CPNE4: variants seen among roughly 807,000 people sequenced by gnomAD.
The protein encoded by CPNE4 is copine-4.
Under a neutral mutation model 67.9 loss-of-function variants are expected in CPNE4, and 25 were observed. That is an observed-to-expected ratio of 0.37 (90% CI 0.27 to 0.51). The LOEUF is 0.51. CPNE4 is among the 20% of genes least tolerant of loss of function. The probability of loss-of-function intolerance (pLI) is 0.93; values close to 1 mark genes in which losing one functional copy is unlikely to be tolerated. For synonymous variants in CPNE4, 242 were observed against 244.9 expected, an observed-to-expected ratio of 0.99 and a Z score of 0.11; for missense variants, 464 against 690.8, an observed-to-expected ratio of 0.67 and a Z score of 3.68.
At chr3:131,564,812 G>T (rs1936971251) in intron 10 of CPNE4, among the ~76,000 whole-genome samples, 1 of 152,002 alleles carries the variant, frequency 6.6e-6, no homozygotes, top group Admixed American at 6.6e-5. Flanking sequence ...CCATTGTCAT[G>T]TTTCCATGAG....
chr3:131,832,988 G>A (rs1437343277), intron 2 of CPNE4, among the ~76,000 whole-genome samples: 2 of 152,094 alleles, frequency 1.3e-5, no homozygotes, highest in African/African-American at 2.4e-5. Context: ...TGAGGCCATT[G>A]GTAGGTGATT....
intron 9 of CPNE4, among the ~76,000 whole-genome samples, chr3:131,576,890 T>C: frequency 6.6e-6 from 1 of 151,920 alleles, no homozygotes; most frequent in East Asian, 1.9e-4. Context: ...TGGGAGAACA[T>C]TGGCTTGGTG....
At chr3:131,743,981 A>AAAAAAAAAAAAT in intron 2 of CPNE4, among the ~76,000 whole-genome samples, 1 of 148,962 alleles carries the variant, frequency 6.7e-6, no homozygotes, top group Non-Finnish European at 1.5e-5. Flanking sequence ...AAAAAAAAAA[A>AAAAAAAAAAAAT]AAACAATAAA....
chr3:131,823,998 A>G (rs536507952), intron 2 of CPNE4, among the ~76,000 whole-genome samples: 2 of 152,342 alleles, frequency 1.3e-5, no homozygotes, highest in Admixed American at 1.3e-4. Context: ...TTGTTTCTTG[A>G]TTCAGAGGGC....
intron 7 of CPNE4, among the ~76,000 whole-genome samples, chr3:131,592,930 C>T (rs973457312): frequency 5.9e-5 from 9 of 152,250 alleles, no homozygotes; most frequent in Admixed American, 2.6e-4. Context: ...TCTGAGGGAT[C>T]GGGTTACTCC....
intron 2 of CPNE4, among the ~76,000 whole-genome samples, chr3:131,766,922 G>T (rs2083032372): frequency 6.6e-6 from 1 of 152,094 alleles, no homozygotes; most frequent in Non-Finnish European, 1.5e-5. Flanking sequence ...AAGCAATGCT[G>T]CTGTAAACTC....
chr3:131,599,573 G>C (rs1939088965), intron 7 of CPNE4, among the ~76,000 whole-genome samples: 5 of 152,184 alleles, frequency 3.3e-5, no homozygotes. Flanking sequence ...AAATGAAGGA[G>C]AGAATTTCTT....
At chr3:131,743,788 C>G (rs13075122) in intron 2 of CPNE4, among the ~76,000 whole-genome samples, 43,904 of 150,708 alleles carry the variant, frequency 0.29, 6,466 homozygotes, top group Middle Eastern at 0.32. Context: ...ACGGTGAAAC[C>G]CCGTCTCTAC....
intron 2 of CPNE4, among the ~76,000 whole-genome samples, chr3:131,839,826 T>C (rs1025750539): frequency 6.6e-6 from 1 of 152,138 alleles, no homozygotes; most frequent in South Asian, 2.1e-4. Flanking sequence ...CCCAGGCAGA[T>C]TGTTAAAATA....
chr3:131,841,012 G>A (rs970504085), intron 2 of CPNE4, among the ~76,000 whole-genome samples: 1 of 152,180 alleles, frequency 6.6e-6, no homozygotes, highest in Non-Finnish European at 1.5e-5. Context: ...TCTTAAGGGA[G>A]AGAAATGTTG....
chr3:132,034,195 CCCTT>C (rs1306920595), intron 1 of CPNE4, among the ~76,000 whole-genome samples: 1 of 152,062 alleles, frequency 6.6e-6, no homozygotes, highest in East Asian at 1.9e-4. Context: ...AGCCAGAACT[CCCTT>C]CCCCTCCCCT....
At chr3:132,036,230 C>T (rs1041432489), upstream of CPNE4, among the ~76,000 whole-genome samples, 3 of 152,200 alleles carry the variant, frequency 2.0e-5, no homozygotes, top group African/African-American at 7.2e-5. Context: ...ACTGAAACTA[C>T]CACAGAAATC....
intron 1 of CPNE4, among the ~76,000 whole-genome samples, chr3:132,010,446 C>T (rs1360396168): frequency 6.7e-6 from 1 of 149,870 alleles, no homozygotes; most frequent in Non-Finnish European, 1.5e-5. Context: ...AATGCTGAGT[C>T]GTGGCCTCTT....
chr3:131,918,249 T>C (rs2070632399), intron 1 of CPNE4, among the ~76,000 whole-genome samples: 2 of 152,198 alleles, frequency 1.3e-5, no homozygotes, highest in South Asian at 4.1e-4. Flanking sequence ...CTTCCTCCCC[T>C]TACATACCTC....
At chr3:131,937,609 G>T (rs568858271) in intron 1 of CPNE4, among the ~76,000 whole-genome samples, 5 of 152,214 alleles carry the variant, frequency 3.3e-5, no homozygotes, top group Admixed American at 3.3e-4. Flanking sequence ...AAAATAAACT[G>T]TCAGTATTAG....
chr3:131,710,000 T>A (rs534757633), intron 3 of CPNE4, among the ~76,000 whole-genome samples: 1 of 152,218 alleles, frequency 6.6e-6, no homozygotes, highest in Non-Finnish European at 1.5e-5. Flanking sequence ...TATTGTATCA[T>A]GTAGGAATAG....
intron 3 of CPNE4, among the ~76,000 whole-genome samples, chr3:131,715,782 A>T (rs1317514997): frequency 6.6e-6 from 1 of 152,252 alleles, no homozygotes; most frequent in Non-Finnish European, 1.5e-5. Context: ...GAAAGAGAAA[A>T]TAAATGCATC....
chr3:131,892,144 C>T (rs542084071), intron 2 of CPNE4, among the ~76,000 whole-genome samples: 8 of 152,066 alleles, frequency 5.3e-5, no homozygotes, highest in Non-Finnish European at 1.2e-4. Flanking sequence ...CCAAACAGTC[C>T]CCACTGCCCC....
At chr3:131,724,851 A>T (rs2107749122) in intron 2 of CPNE4, among the ~76,000 whole-genome samples, 1 of 152,230 alleles carries the variant, frequency 6.6e-6, no homozygotes, top group African/African-American at 2.4e-5. Flanking sequence ...TCTGTTTTCT[A>T]CTAGGATCCT....
Sources: gnomAD v4.1 joint callset for allele counts (sites outside exome capture counted in the v4.1 genomes callset) on GRCh38, gnomAD v4.1.1 for gene constraint, MANE v1.5 for transcripts, NCBI Gene and HGNC (gene_info 2026-07-23, HGNC 2026-07-21) for gene names.